The following ADCY4 variants were observed in gnomAD, a reference collection of about 807,000 sequenced individuals.
ADCY4 encodes the protein adenylate cyclase 4, also known as adenylate cyclase type 4.
A neutral mutation model predicts 125.5 loss-of-function variants in ADCY4; 111 were observed. The observed-to-expected ratio is 0.88, with a 90% confidence interval of 0.76 to 1.04. ADCY4 has a LOEUF of 1.04. Ranked by LOEUF, ADCY4 falls within the 50% of genes least tolerant of loss-of-function variation. The probability of loss-of-function intolerance (pLI) is 0.00; values close to 1 mark genes in which losing one functional copy is unlikely to be tolerated. For missense variants in ADCY4, 1,256 were observed against 1,382.9 expected (o/e 0.91, Z 1.46); for synonymous variants, 576 against 586.9 (o/e 0.98, Z 0.27).
At position 24,319,325 on chromosome 14, in the gene ADCY4, G is replaced by T; in HGVS notation, c.2841+4C>A. 6.2e-7 allele frequency: 1 copy of T among 1,613,670 alleles called. No individual in the cohort carries two copies. Among genetic ancestry groups the T allele is most frequent in the Non-Finnish European group, 8.5e-7 (1 of 1,179,592 alleles). On this transcript the variant is annotated splice_donor_region_variant and intron_variant, in intron 22 of 24. Coordinates refer to ENST00000418030, the MANE Select transcript of ADCY4 (RefSeq NM_001198568.2). This position sits in a 1 kb window ranked among gnomAD's most constrained non-coding sequence, Gnocchi z 4.5. ...GGATGGTAGGTAAGGAAGGGTTGCC[G>T]TACCTGTTGTGCATCCTGTCCAGAG...
In ADCY4 at chr14:24,331,818, G is replaced by T; in HGVS notation, c.639C>A (p.Arg213=). 2.5e-6 allele frequency: 4 copies of T among 1,594,984 alleles called. No individual in the cohort carries two copies. Among genetic ancestry groups the T allele is most frequent in the Non-Finnish European group, 3.4e-6 (4 of 1,166,470 alleles). The change falls in exon 4 of 25, where the codon CGC becomes CGA. Residue 213 remains arginine (R), a synonymous_variant. Transcript: ENST00000418030. ...FREALSSLHS[R]RRLDTEKKHQ... is the part of the protein sequence containing the mutation. ...GCTTCTTCTCGGTGTCCAGCCGCCGGCGTGAGTGCAGGGAGCTGAGTGCCT... is the reference window on the plus strand; with the variant it reads ...GCTTCTTCTCGGTGTCCAGCCGCCGTCGTGAGTGCAGGGAGCTGAGTGCCT...
In ADCY4 at chr14:24,319,655, T is replaced by A; in HGVS notation, c.2733+87A>T. The stretch of plus-strand genomic sequence containing the variant: ...ACTGTGGAGGGGAGGATTGACTTCA[T>A]GGCCAGAAAAGCAAAGTGGAAGGAG... On this transcript the variant is annotated intron_variant, in intron 21 of 24. Coordinates refer to ENST00000418030, the MANE Select transcript of ADCY4 (RefSeq NM_001198568.2). The surrounding 1 kb of genome is among the most constrained non-coding windows in gnomAD (Gnocchi z 4.5). The A allele has an allele frequency of 6.4e-7, 1 of 1,554,326 alleles. No individual in the cohort carries two copies. The highest frequency in any genetic ancestry group is 8.8e-7 in the Non-Finnish European group (1 of 1,132,238).
chr14:24,334,689 C>A lies in ADCY4; in HGVS notation c.-37G>T, dbSNP rs1416125032. Reference sequence around the variant, plus strand: ...CCCCGAGCCCCGGGGCTGGCTAGGGCCGGGCGCCGGGTTACCTCCTTCGGC... The same window carrying A: ...CCCCGAGCCCCGGGGCTGGCTAGGGACGGGCGCCGGGTTACCTCCTTCGGC... On this transcript the variant is annotated 5_prime_UTR_variant, in exon 1 of 25. Transcript: ENST00000418030. 1.4e-6 allele frequency: 2 copies of A among 1,467,444 alleles called. No homozygotes were observed. Among genetic ancestry groups the A allele is most frequent in the Non-Finnish European group, 1.8e-6 (2 of 1,108,162 alleles). 90.9% of individuals were successfully genotyped at this position (1,467,444 alleles called of 1,614,324 possible). A position where few individuals can be genotyped will look rare whatever the true frequency, so the allele number is the denominator to read the frequency against.
At chr14:24,332,395 C>G in intron 3 of ADCY4, 127 bp downstream of exon 3, 2 of 1,115,376 alleles carry the variant, frequency 1.8e-6, no homozygotes, top group Non-Finnish European at 2.5e-6. Context: ...TGCGAAAGCA[C>G]GGTTGGGTAT....
rs76088023 is a variant in ADCY4 at position 24,326,075 on chromosome 14, G to C, written c.1655+4C>G. 3.1e-4 allele frequency: 492 copies of C among 1,573,906 alleles called. 1 individual carries two copies. Among genetic ancestry groups the C allele is most frequent in the Non-Finnish European group, 4.2e-4 (487 of 1,158,036 alleles). ...GCCCCCCCAGCCCTCTTTGTTCTCC[G>C]TACTTCTGCGAGTTGAGCTGCTCAA... On this transcript the variant is annotated splice_donor_region_variant and intron_variant, in intron 12 of 24. Transcript: ENST00000418030.
Position 24,322,834 on chromosome 14 carries a change from A to G in ADCY4, c.2342+70T>C, listed in dbSNP as rs892953950. The G allele has an allele frequency of 1.4e-5, 22 of 1,542,652 alleles. No homozygotes were observed. The South Asian group carries it at 2.5e-4, about 18-fold the overall frequency. On this transcript the variant is annotated intron_variant, in intron 18 of 24. Coordinates refer to ENST00000418030, the MANE Select transcript of ADCY4 (RefSeq NM_001198568.2). ...GGTGATTCAGGTCGGTGAGGCCAGG[A>G]CAGCTCTGCTGTATCCCATCTCACC...
chr14:24,330,140 A>G (rs1566439557), intron 7 of ADCY4, 28 bp downstream of exon 7: 15 of 1,606,874 alleles, frequency 9.3e-6, no homozygotes, highest in Non-Finnish European at 1.1e-5. Context: ...CACCCTCAGC[A>G]TTCCTCTTGA....
chr14:24,330,957 AG>A, intron 6 of ADCY4, 60 bp downstream of exon 6: 2 of 1,472,520 alleles, frequency 1.4e-6, no homozygotes, highest in Non-Finnish European at 1.8e-6. Context: ...TTCCCTTGGA[AG>A]GGGCTACCCA....
chr14:24,334,680 T>A lies in ADCY4; in HGVS notation c.-28A>T, dbSNP rs575455178. 3.1e-4 allele frequency: 463 copies of A among 1,494,298 alleles called. 2 individuals are homozygous for A. In the Middle Eastern group the frequency reaches 4.1e-3, roughly 13 times the overall value. The allele number at this position is 1,494,298 out of a possible 1,614,324, so 92.6% of individuals were successfully genotyped here. A position where few individuals can be genotyped will look rare whatever the true frequency, so the allele number is the denominator to read the frequency against. ...TCTCCCCAGCCCCGAGCCCCGGGGC[T>A]GGCTAGGGCCGGGCGCCGGGTTACC... On this transcript the variant is annotated 5_prime_UTR_variant, in exon 1 of 25. Transcript: ENST00000418030.
intron 6 of ADCY4, 166 bp downstream of exon 6, chr14:24,330,852 T>C: frequency 3.2e-6 from 2 of 624,936 alleles, no homozygotes. Flanking sequence ...AGCAGCTTCA[T>C]GACTGGGAAT....
intron 4 of ADCY4, 144 bp from the exon 5 acceptor site, chr14:24,331,500 G>A: frequency 1.8e-6 from 2 of 1,137,062 alleles, no homozygotes; most frequent in Non-Finnish European, 2.5e-6. Flanking sequence ...ACACAGCAGG[G>A]CCCCAGCACT....
rs73591434 is a variant in ADCY4 at position 24,324,304 on chromosome 14, C to T, written c.1908+3G>A. The T allele has an allele frequency of 3.0e-3, 4,905 of 1,614,134 alleles. 150 individuals are homozygous for T. The African/African-American group carries it at 0.059, about 20-fold the overall frequency. On this transcript the variant is annotated splice_donor_region_variant and intron_variant, in intron 15 of 24. Coordinates refer to ENST00000418030, the MANE Select transcript of ADCY4 (RefSeq NM_001198568.2). ...ACCACTTCCACCCCTCAGCCCACCTCACCATCAGGTCCTCTGAGAAGCAGA... is the reference window on the plus strand; with the variant it reads ...ACCACTTCCACCCCTCAGCCCACCTTACCATCAGGTCCTCTGAGAAGCAGA...
intron 12 of ADCY4, 22 bp from the exon 13 acceptor site, chr14:24,325,909 G>T (rs11622527): frequency 0.53 from 832,149 of 1,575,890 alleles, 232,495 homozygotes; most frequent in Non-Finnish European, 0.58. Context: ...TGGGAGGGTG[G>T]GTGAAAGCAC....
Position 24,329,510 on chromosome 14 carries a change from G to T in ADCY4, c.1241C>A (p.Thr414Asn). The T allele has an allele frequency of 1.3e-6, 2 of 1,551,734 alleles. No individual in the cohort carries two copies. The highest frequency in any genetic ancestry group is 1.7e-6 in the Non-Finnish European group (2 of 1,152,644). ...ATAAGCCCCTGCCAGCAGGGCCAGG[G>T]TAGCCCCTGTGATGTGCACTCGCCT... The part of the protein sequence containing the change: ...VPGRVHITGA[T>N]LALLAGAYAV... Residue 414 changes from threonine to asparagine, a missense_variant, in exon 9 of 25, where the codon ACC (threonine) becomes AAC (asparagine). By Grantham distance (65) the Thr-to-Asn change is moderately conservative (BLOSUM62 0). Coordinates refer to ENST00000418030, the MANE Select transcript of ADCY4 (RefSeq NM_001198568.2).
chr14:24,328,303 TGAC>T (rs1417088008), intron 10 of ADCY4, among the ~76,000 whole-genome samples: 17 of 151,874 alleles, frequency 1.1e-4, no homozygotes, highest in South Asian at 2.1e-4. Flanking sequence ...GTGGAGGCCC[TGAC>T]ATCAGTCAGG....
chr14:24,325,557 G>A, intron 13 of ADCY4, 83 bp from the exon 14 acceptor site: 1 of 1,271,194 alleles, frequency 7.9e-7, no homozygotes, highest in Non-Finnish European at 1.1e-6. Context: ...CAAGGGGTGG[G>A]CTCCTCAGCC....
Position 24,318,572 on chromosome 14 carries a change from C to A in ADCY4, c.3082-4G>T, listed in dbSNP as rs76827240. 4,324 of 1,614,132 alleles carry A rather than the reference C, an allele frequency of 2.7e-3. 11 individuals carry two copies. The highest frequency in any genetic ancestry group is 3.4e-3 in the Non-Finnish European group (4,041 of 1,179,992). On this transcript the variant is annotated splice_region_variant and splice_polypyrimidine_tract_variant and intron_variant, in intron 24 of 24. Transcript: ENST00000418030. ...CCCATGCTGTCTCCTCAGTCACCTA[C>A]AATTGGAGGGGGGCGAGGGAATATG...
intron 14 of ADCY4, 117 bp downstream of exon 14, chr14:24,325,260 G>A: frequency 1.3e-6 from 1 of 760,100 alleles, no homozygotes; most frequent in Non-Finnish European, 2.2e-6. Context: ...TTTCCTCTGT[G>A]GGTAAGTGCC....
chr14:24,322,304 G>C (rs2041864909), intron 19 of ADCY4, 80 bp from the exon 20 acceptor site: 1 of 1,513,600 alleles, frequency 6.6e-7, no homozygotes, highest in East Asian at 2.3e-5. Flanking sequence ...CCAACTCCAT[G>C]ATGCCTGAAA....
Sources: gnomAD v4.1 joint callset for allele counts (sites outside exome capture counted in the v4.1 genomes callset) on GRCh38, gnomAD v4.1.1 for gene constraint, Gnocchi (gnomAD v3.1) non-coding constraint, MANE v1.5 for transcripts, NCBI Gene and HGNC (gene_info 2026-07-23, HGNC 2026-07-21) for gene names.